Variants in IL1RAPL1 observed in about 807,000 individuals in gnomAD.
The protein encoded by IL1RAPL1 is interleukin 1 receptor accessory protein like 1.
In IL1RAPL1, 3 loss-of-function variants were observed where a neutral mutation model predicts 48.4. The observed-to-expected ratio is 0.06, with a 90% confidence interval of 0.03 to 0.16. The LOEUF (loss-of-function observed/expected upper bound fraction) is 0.16. Ranked by LOEUF, IL1RAPL1 falls within the 10% of genes least tolerant of loss-of-function variation. The pLI, the probability that IL1RAPL1 is intolerant of heterozygous loss-of-function variation, is 1.00. For synonymous variants in IL1RAPL1, 185 were observed against 187.7 expected (o/e 0.99, Z 0.12); for missense variants, 349 against 530.6 (o/e 0.66, Z 3.36).
At chrX:29,808,123 A>C (rs1036037436) in intron 6 of IL1RAPL1, among the ~76,000 whole-genome samples, 1 of 111,938 alleles carries the variant, frequency 8.9e-6, no homozygotes, top group Non-Finnish European at 1.9e-5. Context: ...CTGGGAGTAC[A>C]TCCTTAAGAA....
intron 3 of IL1RAPL1, among the ~76,000 whole-genome samples, chrX:29,292,842 T>TA (rs1273165564): frequency 3.9e-3 from 412 of 104,941 alleles, no homozygotes; most frequent in African/African-American, 9.5e-3. Flanking sequence ...CCAGTCCCTT[T>TA]AAAAAAAAAA....
intron 5 of IL1RAPL1, among the ~76,000 whole-genome samples, chrX:29,568,298 G>T (rs1397269969): frequency 2.1e-5 from 2 of 95,157 alleles, no homozygotes; most frequent in African/African-American, 7.5e-5. Flanking sequence ...AAGAATAACA[G>T]ATTATTCTTG....
chrX:29,602,057 C>G (rs959992753), intron 5 of IL1RAPL1, among the ~76,000 whole-genome samples: 1 of 111,608 alleles, frequency 9.0e-6, no homozygotes, highest in Non-Finnish European at 1.9e-5. Context: ...GATCTTGGCT[C>G]ACTGCAACCT....
At chrX:29,649,213 A>T (rs1388612990) in intron 5 of IL1RAPL1, among the ~76,000 whole-genome samples, 1 of 111,736 alleles carries the variant, frequency 8.9e-6, no homozygotes, top group African/African-American at 3.3e-5. Flanking sequence ...ATTACAAAAA[A>T]TTGGAGAGGA....
chrX:29,466,115 A>C (rs1236368308), intron 5 of IL1RAPL1, among the ~76,000 whole-genome samples: 1 of 112,429 alleles, frequency 8.9e-6, no homozygotes, highest in African/African-American at 3.2e-5. Context: ...AAGTTTTTTT[A>C]ATTTAAAATT....
intron 2 of IL1RAPL1, among the ~76,000 whole-genome samples, chrX:28,904,896 C>T (rs1025602352): frequency 8.9e-6 from 1 of 111,770 alleles, no homozygotes; most frequent in African/African-American, 3.2e-5. Flanking sequence ...TTAATACTTA[C>T]CATTTAAGTA....
At chrX:29,129,057 T>G (rs2147482457) in intron 2 of IL1RAPL1, among the ~76,000 whole-genome samples, 1 of 103,361 alleles carries the variant, frequency 9.7e-6, no homozygotes, top group African/African-American at 3.6e-5. Flanking sequence ...TTTTTTTTTT[T>G]TTTGAGATGG....
chrX:29,606,608 C>A (rs1448154720), intron 5 of IL1RAPL1, among the ~76,000 whole-genome samples: 4 of 112,174 alleles, frequency 3.6e-5, no homozygotes, highest in Non-Finnish European at 5.6e-5. Flanking sequence ...CTCTACATAG[C>A]AGTTAACTTG....
chrX:29,591,626 G>A (rs1177496768), intron 5 of IL1RAPL1, among the ~76,000 whole-genome samples: 1 of 112,340 alleles, frequency 8.9e-6, no homozygotes, highest in East Asian at 2.8e-4. Flanking sequence ...CTCACAGCCA[G>A]TGGCCTAAGT....
At position 29,700,738 on chromosome X, in the gene IL1RAPL1, C is replaced by T. The variant is rs1271147945; in HGVS notation, c.778+32234C>T. 8.1e-5 allele frequency among the ~76,000 whole-genome samples: 9 copies of T among 111,360 alleles called. No homozygotes were observed. The South Asian group carries it at 1.5e-3, about 19-fold the overall frequency. ...GTTGACAACTTTCTTTTTGGTGACA[C>T]GTCAGGAGTTGTGAGGGATTGAACT... is the stretch of plus-strand genomic sequence containing the variant. On this transcript the variant is annotated intron_variant, in intron 6 of 10. Transcript: ENST00000378993.
intron 2 of IL1RAPL1, among the ~76,000 whole-genome samples, chrX:29,098,084 A>C (rs5985817): frequency 0.22 from 24,770 of 111,675 alleles, 2,454 homozygotes; most frequent in African/African-American, 0.39. Flanking sequence ...GGCGTAATGA[A>C]ATTTCACAAC....
chrX:29,516,951 A>G (rs1935452481), intron 5 of IL1RAPL1, among the ~76,000 whole-genome samples: 1 of 111,720 alleles, frequency 9.0e-6, no homozygotes, highest in South Asian at 3.7e-4. Flanking sequence ...GCTCACTTTT[A>G]TATTATTGGT....
chrX:28,796,903 C>G (rs750500058), intron 2 of IL1RAPL1, among the ~76,000 whole-genome samples: 2 of 112,444 alleles, frequency 1.8e-5, no homozygotes, highest in Non-Finnish European at 3.8e-5. Context: ...CCCACCCTTA[C>G]ACCAAACTTC....
chrX:28,692,802 C>T (rs190619882), intron 1 of IL1RAPL1, among the ~76,000 whole-genome samples: 16 of 111,306 alleles, frequency 1.4e-4, no homozygotes, highest in Admixed American at 4.8e-4. Flanking sequence ...TGTAGGTGCA[C>T]GACTATATAT....
At position 29,802,747 on chromosome X, in the gene IL1RAPL1, TTATATA is replaced by T. The variant is rs1210417673; in HGVS notation, c.779-114687_779-114682del. ...AGCTATGAGGTCTCTGAGGAAAAAA[TTATATA>T]TATATATATATATATATATATATAT... On this transcript the variant is annotated intron_variant, in intron 6 of 10. Transcript: ENST00000378993. Among the ~76,000 whole-genome samples, 339 of 36,246 alleles carry T rather than the reference TTATATA, an allele frequency of 9.4e-3. 9 individuals carry two copies. The highest frequency in any genetic ancestry group is 0.026 in the African/African-American group (297 of 11,618). The allele number at this position is 36,246 out of a possible 115,157, so 31.5% of individuals were successfully genotyped here.
chrX:29,919,545 A>ATTTTC lies in IL1RAPL1; in HGVS notation c.912-394_912-390dup, dbSNP rs753387739. Reference sequence around the variant, plus strand: ...ACTGAAATGTCAAAATAGCTCAGAAATTTTCTTTTCTTTTTTAAAAAATTA... The same window carrying ATTTTC: ...ACTGAAATGTCAAAATAGCTCAGAAATTTTCTTTTCTTTTCTTTTTTAAAAAATTA... On this transcript the variant is annotated intron_variant, in intron 7 of 10. Transcript: ENST00000378993. Among the ~76,000 whole-genome samples, 19 of 112,442 alleles carry ATTTTC rather than the reference A, an allele frequency of 1.7e-4. No homozygotes were observed. The South Asian group carries it at 4.4e-3, about 26-fold the overall frequency.
At chrX:29,692,736 T>C (rs1926806558) in intron 6 of IL1RAPL1, among the ~76,000 whole-genome samples, 1 of 111,603 alleles carries the variant, frequency 9.0e-6, no homozygotes, top group East Asian at 2.8e-4. Flanking sequence ...TTTGGTTGCA[T>C]GTTTGAGTCT....
intron 6 of IL1RAPL1, among the ~76,000 whole-genome samples, chrX:29,778,461 C>G (rs1929258664): frequency 8.9e-6 from 1 of 111,971 alleles, no homozygotes; most frequent in African/African-American, 3.2e-5. Context: ...AATGTTAGCT[C>G]CATGAGCGCA....
chrX:29,287,802 A>G (rs1055663259), intron 3 of IL1RAPL1, among the ~76,000 whole-genome samples: 2 of 112,057 alleles, frequency 1.8e-5, no homozygotes, highest in Admixed American at 9.5e-5. Flanking sequence ...TCTAAATATT[A>G]ATTCTTTTTG....
Sources: gnomAD v4.1 joint callset for allele counts (sites outside exome capture counted in the v4.1 genomes callset) on GRCh38, gnomAD v4.1.1 for gene constraint, MANE v1.5 for transcripts, NCBI Gene and HGNC (gene_info 2026-07-23, HGNC 2026-07-21) for gene names.